Variants in SLC35F4 observed in about 807,000 individuals in gnomAD.
SLC35F4 encodes the protein chromosome 14 open reading frame 36.
SLC35F4 carries 24 observed loss-of-function variants against 44.2 expected under a neutral mutation model. The ratio of observed to expected loss-of-function variants is 0.54; its 90% CI spans 0.39 to 0.76. SLC35F4 has a LOEUF of 0.76. Ranked by LOEUF, SLC35F4 falls within the 30% of genes least tolerant of loss-of-function variation. The probability of loss-of-function intolerance (pLI) is 0.00; values close to 1 mark genes in which losing one functional copy is unlikely to be tolerated. For synonymous variants in SLC35F4, 238 were observed against 223.6 expected, an observed-to-expected ratio of 1.06 and a Z score of -0.57; for missense variants, 562 against 586.1, an observed-to-expected ratio of 0.96 and a Z score of 0.42.
intron 1 of SLC35F4, among the ~76,000 whole-genome samples, chr14:57,713,965 T>C (rs2140411783): frequency 6.6e-6 from 1 of 152,284 alleles, no homozygotes. Flanking sequence ...CTACAATTTC[T>C]AACCACACAA....
At chr14:57,878,346 A>G (rs1888446634) in intron 1 of SLC35F4, among the ~76,000 whole-genome samples, 2 of 152,088 alleles carry the variant, frequency 1.3e-5, no homozygotes, top group Non-Finnish European at 2.9e-5. Context: ...ACCATAGCCA[A>G]CCTGCTTCCT....
chr14:57,900,408 T>G (rs931640826), intron 1 of SLC35F4, among the ~76,000 whole-genome samples: 1 of 152,026 alleles, frequency 6.6e-6, no homozygotes, highest in African/African-American at 2.4e-5. Flanking sequence ...CGGGGTCATG[T>G]GCTCACCTCT....
intron 1 of SLC35F4, among the ~76,000 whole-genome samples, chr14:57,955,000 T>A (rs1467682417): frequency 1.4e-5 from 2 of 145,936 alleles, no homozygotes; most frequent in African/African-American, 2.5e-5. Context: ...AAAAGAAAAT[T>A]TCAGGCCAAT....
chr14:57,805,181 A>G (rs1160357624), intron 1 of SLC35F4, among the ~76,000 whole-genome samples: 2 of 152,220 alleles, frequency 1.3e-5, no homozygotes, highest in African/African-American at 4.8e-5. Flanking sequence ...GGGAGTGTAA[A>G]TTAGTTCAAC....
chr14:57,566,678 A>G, intron 6 of SLC35F4, 114 bp from the exon 7 acceptor site: 1 of 1,003,710 alleles, frequency 1.0e-6, no homozygotes, highest in Non-Finnish European at 1.5e-6. Context: ...AACTGTCTAT[A>G]CCTTTGATCC....
At chr14:57,873,738 AACAC>A (rs60973207) in intron 1 of SLC35F4, among the ~76,000 whole-genome samples, 1 of 150,824 alleles carries the variant, frequency 6.6e-6, no homozygotes, top group African/African-American at 2.4e-5. Flanking sequence ...AGTGAATACA[AACAC>A]ACACACACAC....
At chr14:57,853,400 ATTAAG>A (rs1332049409) in intron 1 of SLC35F4, among the ~76,000 whole-genome samples, 1 of 152,234 alleles carries the variant, frequency 6.6e-6, no homozygotes, top group African/African-American at 2.4e-5. Flanking sequence ...CCAAATAGCT[ATTAAG>A]TTAAGTGTCA....
At chr14:57,963,580 C>T (rs1890377626) in intron 1 of SLC35F4, among the ~76,000 whole-genome samples, 3 of 152,064 alleles carry the variant, frequency 2.0e-5, no homozygotes, top group Non-Finnish European at 1.5e-5. Context: ...AGTCGGTCAG[C>T]CTATCAGTAG....
At chr14:57,696,017 G>C (rs1028112143) in intron 1 of SLC35F4, among the ~76,000 whole-genome samples, 2 of 152,070 alleles carry the variant, frequency 1.3e-5, no homozygotes, top group South Asian at 2.1e-4. Context: ...TCAGGACATA[G>C]GCATGGGCAA....
At chr14:57,770,829 G>T (rs186451374) in intron 1 of SLC35F4, among the ~76,000 whole-genome samples, 6 of 152,126 alleles carry the variant, frequency 3.9e-5, no homozygotes, top group African/African-American at 1.4e-4. Flanking sequence ...TTACAGTATA[G>T]GATAGTACAA....
chr14:57,826,435 T>A (rs1883775990), intron 1 of SLC35F4, among the ~76,000 whole-genome samples: 1 of 152,066 alleles, frequency 6.6e-6, no homozygotes, highest in Non-Finnish European at 1.5e-5. Context: ...GGCAATACCA[T>A]TCAGGACATA....
chr14:57,567,773 T>C (rs1566622425), intron 6 of SLC35F4, among the ~76,000 whole-genome samples: 1 of 152,304 alleles, frequency 6.6e-6, no homozygotes, highest in African/African-American at 2.4e-5. Flanking sequence ...CTGAGCTCCA[T>C]AGTATGGGGC....
intron 3 of SLC35F4, among the ~76,000 whole-genome samples, chr14:57,582,585 G>A (rs1369028281): frequency 6.6e-6 from 1 of 152,128 alleles, no homozygotes; most frequent in Non-Finnish European, 1.5e-5. Context: ...GTACCTATAC[G>A]ACTATGGACT....
chr14:57,980,322 G>T (rs1881339336), intron 1 of SLC35F4, among the ~76,000 whole-genome samples: 1 of 152,212 alleles, frequency 6.6e-6, no homozygotes, highest in Admixed American at 6.5e-5. Flanking sequence ...CAAGGTGGGT[G>T]TTAGGATGGA....
At chr14:57,733,789 T>A (rs1246274739) in intron 1 of SLC35F4, among the ~76,000 whole-genome samples, 1 of 152,048 alleles carries the variant, frequency 6.6e-6, no homozygotes, top group Non-Finnish European at 1.5e-5. Context: ...CTAGGCATGT[T>A]ATAGCCTAGG....
chr14:57,677,756 T>C (rs1014187776), intron 1 of SLC35F4, among the ~76,000 whole-genome samples: 2 of 151,312 alleles, frequency 1.3e-5, no homozygotes, highest in Non-Finnish European at 2.9e-5. Flanking sequence ...CTGTGGAAAA[T>C]AAGTACAATA....
intron 1 of SLC35F4, among the ~76,000 whole-genome samples, chr14:57,709,046 G>A (rs751912312): frequency 2.0e-4 from 31 of 152,194 alleles, no homozygotes; most frequent in African/African-American, 5.5e-4. Flanking sequence ...GACTAGGAGC[G>A]TGACCACTGA....
At chr14:57,757,130 A>G (rs73289955) in intron 1 of SLC35F4, among the ~76,000 whole-genome samples, 1 of 152,074 alleles carries the variant, frequency 6.6e-6, no homozygotes, top group Non-Finnish European at 1.5e-5. Context: ...AATTGATCCC[A>G]TTATCATTAT....
chr14:57,643,880 T>C (rs113288392), intron 1 of SLC35F4, among the ~76,000 whole-genome samples: 18 of 152,258 alleles, frequency 1.2e-4, no homozygotes, highest in Middle Eastern at 3.4e-3. Flanking sequence ...TGGTTTTTTG[T>C]CCATGCGATA....
Sources: allele counts gnomAD v4.1 joint callset (sites outside exome capture counted in the v4.1 genomes callset), GRCh38; gene constraint gnomAD v4.1.1; transcripts MANE v1.5; gene names NCBI Gene and HGNC (gene_info 2026-07-23, HGNC 2026-07-21).